ZSWIM4: variants seen among roughly 807,000 people sequenced by gnomAD.
The protein encoded by ZSWIM4 is zinc finger SWIM-type containing 4.
In ZSWIM4, 62 loss-of-function variants were observed where a neutral mutation model predicts 102.5. The observed-to-expected ratio is 0.60, with a 90% CI of 0.49 to 0.75. ZSWIM4 has a LOEUF of 0.75. Ranked by LOEUF, ZSWIM4 falls within the 30% of genes least tolerant of loss-of-function variation. ZSWIM4 has a pLI of 0.00. For synonymous variants in ZSWIM4, 652 were observed against 674.5 expected (o/e 0.97, Z 0.52); for missense variants, 1,280 against 1,529.6 (o/e 0.84, Z 2.72).
rs1165562182 is a variant in ZSWIM4, at chr19:13,825,606, C to T, written c.2272C>T (p.Pro758Ser). The change falls in exon 12 of 14, where the codon CCG becomes TCG. Residue 758 changes from proline (P) to serine (S), a missense_variant. Physicochemically the swap from Pro to Ser is moderately conservative, Grantham distance 74. Transcript: ENST00000590508. The surrounding 1 kb of genome is among the most constrained non-coding windows in gnomAD (Gnocchi z 4.6). The stretch of plus-strand genomic sequence containing the variant: ...CTCCATCCAGCAGAACATCCACTCT[C>T]CGGCCCTGCTCTTTAAGCTGGCGCA... ...LGSIQQNIHS[P>S]ALLFKLAQDA... The T allele has an allele frequency of 1.2e-6, 2 of 1,614,230 alleles. No homozygotes were observed. Among genetic ancestry groups the T allele is most frequent in the Non-Finnish European group, 1.7e-6 (2 of 1,180,044 alleles).
In ZSWIM4 at chr19:13,817,366, G is replaced by T. The variant is rs755255661; in HGVS notation, c.1669+13G>T. 3.1e-6 allele frequency: 5 copies of T among 1,608,336 alleles called. No homozygotes were observed. Among genetic ancestry groups the T allele is most frequent in the East Asian group, 4.5e-5 (2 of 44,710 alleles). On this transcript the variant is annotated intron_variant, in intron 8 of 13. Coordinates refer to ENST00000590508, the MANE Select transcript of ZSWIM4 (RefSeq NM_001367834.3). ...ACCCTTTACCCAGGTACTCACATGG[G>T]GTACTCTTGGAGGAGGTGGGACAAC...
rs759843627 is a variant in ZSWIM4 at position 13,813,082 on chromosome 19, C to G, written c.1098C>G (p.Asp366Glu). The G allele has an allele frequency of 1.2e-6, 2 of 1,614,000 alleles. No homozygotes were observed. Among genetic ancestry groups the G allele is most frequent in the Non-Finnish European group, 1.7e-6 (2 of 1,180,000 alleles). The change falls in exon 6 of 14, where the codon GAC becomes GAG. Residue 366 changes from aspartate to glutamate, a missense_variant. Coordinates refer to ENST00000590508, the MANE Select transcript of ZSWIM4 (RefSeq NM_001367834.3). ...AGWLQLLSRW[D>E]KLDVCPLEEG... ...GGCTCCAGCTACTCAGCAGGTGGGACAAGCTCGACGTCTGCCCACTGGAAG... is the reference window on the plus strand; with the variant it reads ...GGCTCCAGCTACTCAGCAGGTGGGAGAAGCTCGACGTCTGCCCACTGGAAG...
intron 1 of ZSWIM4, among the ~76,000 whole-genome samples, chr19:13,798,229 C>T (rs1974662515): frequency 6.6e-6 from 1 of 152,174 alleles, no homozygotes; most frequent in Non-Finnish European, 1.5e-5. Context: ...GCCTCAAACT[C>T]CTGGGCTCAA....
At chr19:13,814,050 T>G (rs1975191572) in intron 6 of ZSWIM4, among the ~76,000 whole-genome samples, 1 of 150,688 alleles carries the variant, frequency 6.6e-6, no homozygotes. Flanking sequence ...TCCTAACACA[T>G]ACACGCATCC....
In ZSWIM4 at chr19:13,825,948, C is replaced by T. The variant is rs917117561; in HGVS notation, c.2379+235C>T. ...TGAGTGTGGGCCACTTCCTTGGGGG[C>T]GTGGCATGAGTGAGCCACTCCCCTG... On this transcript the variant is annotated intron_variant, in intron 12 of 13. Coordinates refer to ENST00000590508, the MANE Select transcript of ZSWIM4 (RefSeq NM_001367834.3). The surrounding 1 kb of genome is among the most constrained non-coding windows in gnomAD (Gnocchi z 4.6). Among the ~76,000 whole-genome samples, 1 of 152,082 alleles carries T rather than the reference C, an allele frequency of 6.6e-6. No homozygotes were observed. Among genetic ancestry groups the T allele is most frequent in the Admixed American group, 6.5e-5 (1 of 15,280 alleles).
chr19:13,829,687 T>G (rs1975703451), intron 13 of ZSWIM4, among the ~76,000 whole-genome samples: 2 of 151,748 alleles, frequency 1.3e-5, no homozygotes, highest in African/African-American at 4.8e-5. Context: ...TAGCTGGGCG[T>G]GGTGGTGGGC....
chr19:13,808,948 C>T lies in ZSWIM4; in HGVS notation c.825C>T (p.Tyr275=), dbSNP rs1463387956. 5.6e-6 allele frequency: 9 copies of T among 1,609,122 alleles called. No homozygotes were observed. Among genetic ancestry groups the T allele is most frequent in the Non-Finnish European group, 7.6e-6 (9 of 1,178,000 alleles). The change falls in exon 4 of 14, where the codon TAC becomes TAT. Residue 275 remains tyrosine (Y), a synonymous_variant. Coordinates refer to ENST00000590508, the MANE Select transcript of ZSWIM4 (RefSeq NM_001367834.3). ...VKQLLSNGGY[Y]GASQQLRSMF... is the part of the protein sequence containing the mutation. ...AGCTACTGTCCAATGGCGGCTACTA[C>T]GGGGCCAGCCAGCAGCTGCGCTCCA...
Position 13,828,670 on chromosome 19 carries a change from T to C in ZSWIM4, c.2405T>C (p.Met802Thr), listed in dbSNP as rs141544970. 2 of 1,613,966 alleles carry C rather than the reference T, an allele frequency of 1.2e-6. No homozygotes were observed. Among genetic ancestry groups the C allele is most frequent in the African/African-American group, 1.3e-5 (1 of 74,892 alleles). Residue 802 changes from methionine to threonine, a missense_variant, in exon 13 of 14, where the codon ATG becomes ACG. Transcript: ENST00000590508. ...LQVMRMTLNV[M>T]TWRRREMVRW... ...GTGATGCGGATGACTCTGAACGTAA[T>C]GACCTGGCGGCGGAGGGAGATGGTG...
rs1974875774 is a variant in ZSWIM4, at chr19:13,804,928, C to T, written c.492C>T (p.Tyr164=). ...GCTGTGACAACCGCGACCTCTTCTA[C>T]TGTGCCCACGTGGTGGCCCTGTCCC... is the stretch of plus-strand genomic sequence containing the variant. ...SCGCDNRDLF[Y]CAHVVALSLY... Residue 164 remains tyrosine (Y), a synonymous_variant, in exon 3 of 14, where the codon TAC becomes TAT. Transcript: ENST00000590508. The T allele has an allele frequency of 1.2e-6, 2 of 1,613,568 alleles. No individual in the cohort carries two copies. The highest frequency in any genetic ancestry group is 1.7e-6 in the Non-Finnish European group (2 of 1,180,028).
chr19:13,823,265 G>A (rs1184116486), intron 10 of ZSWIM4, 81 bp from the exon 11 acceptor site: 23 of 1,471,494 alleles, frequency 1.6e-5, no homozygotes, highest in Middle Eastern at 2.5e-4. Flanking sequence ...GGGGAGGCTG[G>A]GCCAGGAGGC....
intron 11 of ZSWIM4, among the ~76,000 whole-genome samples, chr19:13,824,659 G>A (rs1599613742): frequency 1.3e-5 from 2 of 151,860 alleles, no homozygotes; most frequent in East Asian, 3.9e-4. Context: ...TTGAACCCGG[G>A]AGGCAAAGGT....
At chr19:13,819,624 A>C (rs1975407140) in intron 10 of ZSWIM4, 132 bp downstream of exon 10, 1 of 867,284 alleles carries the variant, frequency 1.2e-6, no homozygotes. Flanking sequence ...TCACCCTGGC[A>C]TTTGATGATG....
At position 13,810,557 on chromosome 19, in the gene ZSWIM4, C is replaced by T. The variant is rs181642614; in HGVS notation, c.1012+1337C>T. ...CCACCCGCCTCAGCCTCCCAAAGTG[C>T]TGGGATTACAGGCGTGAGCCACCAC... On this transcript the variant is annotated intron_variant, in intron 5 of 13. Coordinates refer to ENST00000590508, the MANE Select transcript of ZSWIM4 (RefSeq NM_001367834.3). Among the ~76,000 whole-genome samples, 7 of 152,174 alleles carry T rather than the reference C, an allele frequency of 4.6e-5. No homozygotes were observed. The East Asian group carries it at 1.4e-3, about 29-fold the overall frequency.
rs1406486695 is a variant in ZSWIM4 at position 13,796,074 on chromosome 19, A to G, written c.153+273A>G. 2.7e-5 allele frequency among the ~76,000 whole-genome samples: 4 copies of G among 147,782 alleles called. No individual in the cohort carries two copies. The East Asian group carries it at 6.1e-4, about 22-fold the overall frequency. On this transcript the variant is annotated intron_variant, in intron 1 of 13. Coordinates refer to ENST00000590508, the MANE Select transcript of ZSWIM4 (RefSeq NM_001367834.3). ...AATCAGGACACTTCCTTCTTCTCCT[A>G]CCAACCCCAGATCTCTGAGATCTGG...
chr19:13,826,890 T>C (rs1305995585), intron 12 of ZSWIM4, among the ~76,000 whole-genome samples: 1 of 151,746 alleles, frequency 6.6e-6, no homozygotes, highest in Admixed American at 6.6e-5. Context: ...AAAGGTGTCA[T>C]TGGTAGGGTG....
rs999401281 is a variant in ZSWIM4, at chr19:13,829,681, T to C, written c.2462-510T>C. 1.3e-4 allele frequency among the ~76,000 whole-genome samples: 19 copies of C among 151,598 alleles called. 1 individual carries two copies. The highest frequency in any genetic ancestry group is 4.1e-4 in the African/African-American group (17 of 41,198). ...CTACTAAAAATACAAAAAAACTAGCTGGGCGTGGTGGTGGGCCCCTGTAGT... is the reference window on the plus strand; with the variant it reads ...CTACTAAAAATACAAAAAAACTAGCCGGGCGTGGTGGTGGGCCCCTGTAGT... On this transcript the variant is annotated intron_variant, in intron 13 of 13. Coordinates refer to ENST00000590508, the MANE Select transcript of ZSWIM4 (RefSeq NM_001367834.3).
At chr19:13,816,893 G>A (rs1975303640) in intron 7 of ZSWIM4, among the ~76,000 whole-genome samples, 1 of 152,150 alleles carries the variant, frequency 6.6e-6, no homozygotes, top group Non-Finnish European at 1.5e-5. Flanking sequence ...GGGCAATGAG[G>A]AGGGGAATGA....
intron 10 of ZSWIM4, among the ~76,000 whole-genome samples, chr19:13,819,913 G>A (rs1187903790): frequency 2.7e-5 from 4 of 147,702 alleles, no homozygotes; most frequent in Admixed American, 6.8e-5. Flanking sequence ...GCGCGATCTC[G>A]GCCCACTCCC....
At chr19:13,816,639 T>A (rs1043832192) in intron 7 of ZSWIM4, among the ~76,000 whole-genome samples, 6 of 150,914 alleles carry the variant, frequency 4.0e-5, no homozygotes, top group South Asian at 4.2e-4. Context: ...TCAGAAAAAA[T>A]TTAAAAAAAG....
Sources: allele counts gnomAD v4.1 joint callset (sites outside exome capture counted in the v4.1 genomes callset), GRCh38; gene constraint gnomAD v4.1.1; non-coding constraint Gnocchi (gnomAD v3.1); transcripts MANE v1.5; gene names NCBI Gene and HGNC (gene_info 2026-07-23, HGNC 2026-07-21).